Variants in DMXL2 observed in about 807,000 individuals in gnomAD.
The protein encoded by DMXL2 is Dmx like 2.
DMXL2 carries 103 observed loss-of-function variants against 331.1 expected under a neutral mutation model. The ratio of observed to expected loss-of-function variants is 0.31; its 90% confidence interval spans 0.27 to 0.37. The LOEUF (loss-of-function observed/expected upper bound fraction) is 0.37, where lower values mean the gene tolerates loss of function less well. DMXL2 is among the 10% of genes least tolerant of loss of function. The pLI is 1.00. For missense variants in DMXL2, 3,171 were observed against 3,642.9 expected (o/e 0.87, Z 3.33); for synonymous variants, 1,281 against 1,252.1 (o/e 1.02, Z -0.49).
chr15:51,531,611 C>G lies in DMXL2; in HGVS notation c.2436+4052G>C, dbSNP rs187772564. 3.5e-3 allele frequency among the ~76,000 whole-genome samples: 532 copies of G among 152,114 alleles called. 5 individuals are homozygous for G. The highest frequency in any genetic ancestry group is 0.012 in the African/African-American group (513 of 41,508). ...CCCACAGAATGAGAGAAAATATCTTCAAACTACTCATCTGAAACGGGATTA... is the reference window on the plus strand; with the variant it reads ...CCCACAGAATGAGAGAAAATATCTTGAAACTACTCATCTGAAACGGGATTA... On this transcript the variant is annotated intron_variant, in intron 13 of 43. Coordinates refer to ENST00000560891, the MANE Select transcript of DMXL2 (RefSeq NM_001378457.1).
intron 1 of DMXL2, among the ~76,000 whole-genome samples, chr15:51,603,192 A>G (rs1461817098): frequency 6.6e-6 from 1 of 152,220 alleles, no homozygotes; most frequent in East Asian, 1.9e-4. Context: ...CAAAAGAGCA[A>G]TATAACATAA....
chr15:51,535,622 T>C, intron 13 of DMXL2, 41 bp downstream of exon 13: 1 of 1,531,210 alleles, frequency 6.5e-7, no homozygotes, highest in Non-Finnish European at 8.8e-7. Context: ...GAGAATTCTT[T>C]ATCTCCTTAG....
chr15:51,615,290 T>G (rs962483566), intron 1 of DMXL2, among the ~76,000 whole-genome samples: 7 of 152,170 alleles, frequency 4.6e-5, no homozygotes, highest in African/African-American at 1.7e-4. Flanking sequence ...GAAGGCTAAA[T>G]GAAGACAGTG....
chr15:51,617,628 G>C (rs1274356785), intron 1 of DMXL2, among the ~76,000 whole-genome samples: 1 of 152,126 alleles, frequency 6.6e-6, no homozygotes, highest in Non-Finnish European at 1.5e-5. Flanking sequence ...TATGTTTCTA[G>C]TCCATTTTCT....
In DMXL2 at chr15:51,554,737, CGA is replaced by C. The variant is rs1472671341; in HGVS notation, c.568-7331_568-7330del. On this transcript the variant is annotated intron_variant, in intron 6 of 43. Coordinates refer to ENST00000560891, the MANE Select transcript of DMXL2 (RefSeq NM_001378457.1). ...GCAGAAGATGAGGTTGAAGCAGTGA[CGA>C]GAGTCCTGGTAAGCATGGAGCATGC... is the stretch of plus-strand genomic sequence containing the variant. 9.9e-5 allele frequency among the ~76,000 whole-genome samples: 15 copies of C among 152,110 alleles called. 1 individual carries two copies. The highest frequency in any genetic ancestry group is 7.9e-4 in the Admixed American group (12 of 15,272).
intron 13 of DMXL2, among the ~76,000 whole-genome samples, chr15:51,526,425 G>A (rs2047680436): frequency 6.6e-6 from 1 of 152,140 alleles, no homozygotes. Flanking sequence ...GCCTTCCCAA[G>A]GACAGATACA....
intron 2 of DMXL2, among the ~76,000 whole-genome samples, chr15:51,570,389 G>C (rs2050585720): frequency 6.6e-6 from 1 of 152,134 alleles, no homozygotes; most frequent in Non-Finnish European, 1.5e-5. Context: ...ATCCAGGAGA[G>C]TTTCCCCAAC....
At chr15:51,496,534 T>C (rs1350415032) in intron 18 of DMXL2, among the ~76,000 whole-genome samples, 1 of 152,152 alleles carries the variant, frequency 6.6e-6, no homozygotes, top group Non-Finnish European at 1.5e-5. Flanking sequence ...GCTCTTAACT[T>C]TTATTCTAAA....
intron 6 of DMXL2, 23 bp from the exon 7 acceptor site, chr15:51,547,431 T>A (rs1490458314): frequency 6.6e-7 from 1 of 1,522,906 alleles, no homozygotes; most frequent in Admixed American, 2.3e-5. Context: ...TAGGTCAATA[T>A]AAAATTAATT....
chr15:51,452,615 TG>T (rs1456417386), intron 41 of DMXL2, among the ~76,000 whole-genome samples: 1 of 152,034 alleles, frequency 6.6e-6, no homozygotes, highest in East Asian at 1.9e-4. Flanking sequence ...ATGGAGGTGG[TG>T]AAAAGGGGAC....
At chr15:51,588,296 C>T (rs1247281411) in intron 1 of DMXL2, among the ~76,000 whole-genome samples, 1 of 151,886 alleles carries the variant, frequency 6.6e-6, no homozygotes, top group African/African-American at 2.4e-5. Context: ...TAGCTAGGAC[C>T]ACAGGTGCAA....
Position 51,485,651 on chromosome 15 carries a change from T to C in DMXL2, c.5482+422A>G, listed in dbSNP as rs142641724. Among the ~76,000 whole-genome samples the C allele has an allele frequency of 4.6e-5, 7 of 152,370 alleles. No individual in the cohort carries two copies. In the East Asian group the frequency reaches 9.6e-4, roughly 21 times the overall value. ...ATTGACAAAAACTTAAAATGTTCCA[T>C]TCCTTTCAAATTATTGAAAACAATG... is the stretch of plus-strand genomic sequence containing the variant. On this transcript the variant is annotated intron_variant, in intron 23 of 43. Transcript: ENST00000560891.
Position 51,495,017 on chromosome 15 carries a change from G to T in DMXL2, c.4783+7C>A, listed in dbSNP as rs1228510303. On this transcript the variant is annotated splice_region_variant and intron_variant, in intron 19 of 43. Coordinates refer to ENST00000560891, the MANE Select transcript of DMXL2 (RefSeq NM_001378457.1). ...TTGTGCAAAGCTTCAAACAGTGAGT[G>T]AATTACCTTGATGAAGTAGCTGCAC... 6.2e-7 allele frequency: 1 copy of T among 1,602,196 alleles called. No individual in the cohort carries two copies. Among genetic ancestry groups the T allele is most frequent in the East Asian group, 2.2e-5 (1 of 44,756 alleles).
intron 12 of DMXL2, 117 bp from the exon 13 acceptor site, chr15:51,535,901 A>C: frequency 8.4e-7 from 1 of 1,186,030 alleles, no homozygotes; most frequent in South Asian, 1.9e-5. Context: ...GTCTAGAATC[A>C]TAATTAAACA....
At chr15:51,567,273 C>G (rs1004221688) in intron 3 of DMXL2, 3 of 152,216 alleles carry the variant, frequency 2.0e-5, no homozygotes, top group African/African-American at 7.3e-5. Context: ...AAACCCCTGA[C>G]CTCGTGTTCC....
At chr15:51,490,424 C>T (rs558986630) in intron 20 of DMXL2, among the ~76,000 whole-genome samples, 5 of 152,292 alleles carry the variant, frequency 3.3e-5, no homozygotes, top group South Asian at 2.1e-4. Flanking sequence ...TTGCATCCTT[C>T]GGAGAAACAA....
chr15:51,471,713 C>A (rs2041129659), intron 28 of DMXL2, among the ~76,000 whole-genome samples: 1 of 152,072 alleles, frequency 6.6e-6, no homozygotes, highest in Non-Finnish European at 1.5e-5. Flanking sequence ...GACTGATTAT[C>A]CCTGGCTATG....
intron 16 of DMXL2, among the ~76,000 whole-genome samples, chr15:51,504,557 C>T (rs2043918378): frequency 6.6e-6 from 1 of 152,130 alleles, no homozygotes; most frequent in Non-Finnish European, 1.5e-5. Context: ...TCACTAAAGG[C>T]AGGGATGATG....
At chr15:51,585,838 A>G (rs2141201027) in intron 1 of DMXL2, among the ~76,000 whole-genome samples, 1 of 152,244 alleles carries the variant, frequency 6.6e-6, no homozygotes, top group Middle Eastern at 3.4e-3. Context: ...CTGTAAACTG[A>G]CTATTCATAT....
Sources: allele counts gnomAD v4.1 joint callset (sites outside exome capture counted in the v4.1 genomes callset), GRCh38; gene constraint gnomAD v4.1.1; transcripts MANE v1.5; gene names NCBI Gene and HGNC (gene_info 2026-07-23, HGNC 2026-07-21).